Variants in DBNL observed in about 807,000 individuals in gnomAD.
DBNL encodes drebrin like.
DBNL carries 35 observed loss-of-function variants against 62.2 expected under a neutral mutation model. That is an observed-to-expected ratio of 0.56 (90% CI 0.43 to 0.75). DBNL has a LOEUF of 0.75. Ranked by LOEUF, DBNL falls within the 30% of genes least tolerant of loss-of-function variation. The probability of loss-of-function intolerance (pLI) is 0.00; values close to 1 mark genes in which losing one functional copy is unlikely to be tolerated. For missense variants in DBNL, 495 were observed against 578.4 expected (o/e 0.86, Z 1.48); for synonymous variants, 197 against 218.0 (o/e 0.90, Z 0.85).
chr7:44,054,261 C>T (rs1033074339), intron 4 of DBNL, among the ~76,000 whole-genome samples: 4 of 152,030 alleles, frequency 2.6e-5, no homozygotes, highest in Non-Finnish European at 5.9e-5. Flanking sequence ...GGCACGATCT[C>T]GGCTCACTGC....
Position 44,059,129 on chromosome 7 carries a change from C to A in DBNL, c.835+146C>A, listed in dbSNP as rs1464498918. ...AGAAGGGACACCTGGGGCCATTGAC[C>A]TCATCAGTGACCACACTGGTCACCA... On this transcript the variant is annotated intron_variant, in intron 9 of 12. Coordinates refer to ENST00000448521, the MANE Select transcript of DBNL (RefSeq NM_001014436.3). This position sits in a 1 kb window ranked among gnomAD's most constrained non-coding sequence, Gnocchi z 4.1. 49 of 979,568 alleles carry A rather than the reference C, an allele frequency of 5.0e-5. No homozygotes were observed. Among genetic ancestry groups the A allele is most frequent in the Non-Finnish European group, 7.0e-5 (46 of 660,790 alleles). 60.7% of individuals were successfully genotyped at this position (979,568 alleles called of 1,614,324 possible).
At chr7:44,053,870 G>T (rs2096131029) in intron 4 of DBNL, among the ~76,000 whole-genome samples, 1 of 151,918 alleles carries the variant, frequency 6.6e-6, no homozygotes, top group Admixed American at 6.6e-5. Flanking sequence ...TAGAGACGGG[G>T]TTTCACTGTG....
At position 44,062,581 on chromosome 7, in the gene DBNL, G is replaced by A; in HGVS notation, c.*1665G>A. 1 of 639,834 alleles carries A rather than the reference G, an allele frequency of 1.6e-6. No homozygotes were observed. The highest frequency in any genetic ancestry group is 2.8e-6 in the Non-Finnish European group (1 of 360,470). 39.6% of individuals were successfully genotyped at this position (639,834 alleles called of 1,614,324 possible). A position where few individuals can be genotyped will look rare whatever the true frequency, so the allele number is the denominator to read the frequency against. Reference sequence around the variant, plus strand: ...GGTTGCAGCCCTGGCTCAGTGTCCTGATGACTAGGTGTGGGTACTAGGCTC... The same window carrying A: ...GGTTGCAGCCCTGGCTCAGTGTCCTAATGACTAGGTGTGGGTACTAGGCTC... On this transcript the variant is annotated 3_prime_UTR_variant, in exon 13 of 13. Transcript: ENST00000448521.
In DBNL at chr7:44,060,276, C is replaced by T. The variant is rs556655051; in HGVS notation, c.1153+123C>T. Reference sequence around the variant, plus strand: ...CAGGAAGAGAAGACAGGAGGGTGGGCGGTGCGTTTAGGGGTAGAAGCACCT... The same window carrying T: ...CAGGAAGAGAAGACAGGAGGGTGGGTGGTGCGTTTAGGGGTAGAAGCACCT... On this transcript the variant is annotated intron_variant, in intron 12 of 12. Coordinates refer to ENST00000448521, the MANE Select transcript of DBNL (RefSeq NM_001014436.3). This position sits in a 1 kb window ranked among gnomAD's most constrained non-coding sequence, Gnocchi z 6.3. 15 of 907,644 alleles carry T rather than the reference C, an allele frequency of 1.7e-5. No homozygotes were observed. The East Asian group carries it at 3.5e-4, about 21-fold the overall frequency. The allele number at this position is 907,644 out of a possible 1,614,324, so 56.2% of individuals were successfully genotyped here.
rs374509693 is a variant in DBNL at position 44,062,729 on chromosome 7, T to C, written c.*1813T>C. 1.2e-5 allele frequency: 20 copies of C among 1,611,210 alleles called. No individual in the cohort carries two copies. The African/African-American group carries it at 2.0e-4, about 16-fold the overall frequency. On this transcript the variant is annotated 3_prime_UTR_variant, in exon 13 of 13. Coordinates refer to ENST00000448521, the MANE Select transcript of DBNL (RefSeq NM_001014436.3). The stretch of plus-strand genomic sequence containing the variant: ...CACGGCTGCGCTGGACTCCAGGCTG[T>C]TGGGGGAGGTGCCTTTATTGCCCAA...
rs138152563 is a variant in DBNL, at chr7:44,068,119, C to G, written c.*7203C>G. 6.6e-6 allele frequency: 1 copy of G among 152,274 alleles called. No individual in the cohort carries two copies. The highest frequency in any genetic ancestry group is 2.4e-5 in the African/African-American group (1 of 41,550). The allele number at this position is 152,274 out of a possible 1,614,324, so 9.4% of individuals were successfully genotyped here. A position where few individuals can be genotyped will look rare whatever the true frequency, so the allele number is the denominator to read the frequency against. On this transcript the variant is annotated 3_prime_UTR_variant, in exon 13 of 13. Transcript: ENST00000448521. ...GCACTTGAAACCTGAGAGGGTAACG[C>G]TACCCTCTGTCTAGAGGAGCCATGG... is the stretch of plus-strand genomic sequence containing the variant.
intron 5 of DBNL, among the ~76,000 whole-genome samples, chr7:44,057,331 C>G (rs1224095927): frequency 2.0e-5 from 3 of 152,234 alleles, no homozygotes; most frequent in Non-Finnish European, 4.4e-5. Context: ...GCCTGTGGCC[C>G]CAGTGCTGTG....
In DBNL at chr7:44,063,656, G is replaced by C. The variant is rs28664975; in HGVS notation, c.*2740G>C. Reference sequence around the variant, plus strand: ...AAGTGCGGAATGGAGCTGGAGGAGGGACAGGGAGGCCGAGCCTGGTCGAAA... The same window carrying C: ...AAGTGCGGAATGGAGCTGGAGGAGGCACAGGGAGGCCGAGCCTGGTCGAAA... On this transcript the variant is annotated 3_prime_UTR_variant, in exon 13 of 13. Transcript: ENST00000448521. The C allele has an allele frequency of 0.27, 42,303 of 154,220 alleles. 6,166 individuals are homozygous for C. The highest frequency in any genetic ancestry group is 0.36 in the African/African-American group (14,989 of 41,488). 9.6% of individuals were successfully genotyped at this position (154,220 alleles called of 1,614,324 possible).
intron 2 of DBNL, 182 bp downstream of exon 2, chr7:44,050,462 T>G: frequency 4.7e-5 from 26 of 553,294 alleles, no homozygotes; most frequent in Admixed American, 8.8e-5. Context: ...TTGGTTCTCC[T>G]TCCCTCTGGG....
At chr7:44,049,012 G>A (rs1045598796) in intron 1 of DBNL, among the ~76,000 whole-genome samples, 3 of 151,910 alleles carry the variant, frequency 2.0e-5, no homozygotes, top group East Asian at 1.9e-4. Context: ...ATGCCACCAC[G>A]CCTGGCTGAT....
chr7:44,064,797 A>AGCCCCCGGGCCAGGAGGTGGG lies in DBNL; in HGVS notation c.*3881_*3882insGCCCCCGGGCCAGGAGGTGGG. On this transcript the variant is annotated 3_prime_UTR_variant, in exon 13 of 13. Coordinates refer to ENST00000448521, the MANE Select transcript of DBNL (RefSeq NM_001014436.3). Reference sequence around the variant, plus strand: ...GAGAAGCCAGCTGGGGCTGCTGCCCACCCACCCTGCCCAGGCTCCTGAAGG... The same window carrying AGCCCCCGGGCCAGGAGGTGGG: ...GAGAAGCCAGCTGGGGCTGCTGCCCAGCCCCCGGGCCAGGAGGTGGGCCCACCCTGCCCAGGCTCCTGAAGG... 1.6e-6 allele frequency: 1 copy of AGCCCCCGGGCCAGGAGGTGGG among 633,308 alleles called. No homozygotes were observed. Among genetic ancestry groups the AGCCCCCGGGCCAGGAGGTGGG allele is most frequent in the Non-Finnish European group, 2.8e-6 (1 of 361,386 alleles). The allele number at this position is 633,308 out of a possible 1,614,324, so 39.2% of individuals were successfully genotyped here.
intron 1 of DBNL, among the ~76,000 whole-genome samples, chr7:44,046,803 C>T (rs548159677): frequency 7.2e-5 from 11 of 152,332 alleles, no homozygotes; most frequent in African/African-American, 2.2e-4. Flanking sequence ...TCTACAGTGG[C>T]TTCCTGTTGC....
chr7:44,065,397 TG>T lies in DBNL; in HGVS notation c.*4483del. On this transcript the variant is annotated 3_prime_UTR_variant, in exon 13 of 13. Transcript: ENST00000448521. ...TCAAACTCCATCTTGGCATCCTTGATGGCCTTGGCTCCCCGCTTGGCCTCCT... is the reference window on the plus strand; with the variant it reads ...TCAAACTCCATCTTGGCATCCTTGATGCCTTGGCTCCCCGCTTGGCCTCCT... 6.2e-7 allele frequency: 1 copy of T among 1,614,126 alleles called. No homozygotes were observed. Among genetic ancestry groups the T allele is most frequent in the Non-Finnish European group, 8.5e-7 (1 of 1,180,040 alleles).
At chr7:44,050,027 A>C in intron 1 of DBNL, 198 bp from the exon 2 acceptor site, 1 of 534,386 alleles carries the variant, frequency 1.9e-6, no homozygotes, top group Non-Finnish European at 3.5e-6. Context: ...TCCCAGCTGC[A>C]GAGCTGAGAA....
At position 44,065,888 on chromosome 7, in the gene DBNL, G is replaced by T; in HGVS notation, c.*4972G>T. On this transcript the variant is annotated 3_prime_UTR_variant, in exon 13 of 13. Coordinates refer to ENST00000448521, the MANE Select transcript of DBNL (RefSeq NM_001014436.3). Reference sequence around the variant, plus strand: ...AGATGGGGATAGCAGGGACAGAGGGGCTCTCCAGGGCAACGCTCAGTGGCC... The same window carrying T: ...AGATGGGGATAGCAGGGACAGAGGGTCTCTCCAGGGCAACGCTCAGTGGCC... The T allele has an allele frequency of 2.5e-6, 1 of 407,854 alleles. No homozygotes were observed. The highest frequency in any genetic ancestry group is 4.6e-6 in the Non-Finnish European group (1 of 215,978). The allele number at this position is 407,854 out of a possible 1,614,324, so 25.3% of individuals were successfully genotyped here. A position where few individuals can be genotyped will look rare whatever the true frequency, so the allele number is the denominator to read the frequency against.
chr7:44,067,861 A>G lies in DBNL; in HGVS notation c.*6945A>G, dbSNP rs557696085. On this transcript the variant is annotated 3_prime_UTR_variant, in exon 13 of 13. Transcript: ENST00000448521. ...GGAGATCAGATTCAAAGTTCCGCAGAGAAGTGGTGAGGTAACAAGTATTGC... is the reference window on the plus strand; with the variant it reads ...GGAGATCAGATTCAAAGTTCCGCAGGGAAGTGGTGAGGTAACAAGTATTGC... 6.6e-6 allele frequency: 1 copy of G among 152,382 alleles called. No homozygotes were observed. Among genetic ancestry groups the G allele is most frequent in the East Asian group, 1.9e-4 (1 of 5,188 alleles). 9.4% of individuals were successfully genotyped at this position (152,382 alleles called of 1,614,324 possible).
intron 4 of DBNL, among the ~76,000 whole-genome samples, chr7:44,056,440 T>A (rs2096136543): frequency 6.6e-6 from 1 of 152,208 alleles, no homozygotes; most frequent in Non-Finnish European, 1.5e-5. Context: ...AAGGAAGGCC[T>A]TTGATGCAAA....
In DBNL at chr7:44,064,758, G is replaced by A. The variant is rs1258194481; in HGVS notation, c.*3842G>A. 7.5e-6 allele frequency: 10 copies of A among 1,328,808 alleles called. No homozygotes were observed. The highest frequency in any genetic ancestry group is 9.4e-6 in the Non-Finnish European group (9 of 956,260). 82.3% of individuals were successfully genotyped at this position (1,328,808 alleles called of 1,614,324 possible). ...TAGAAAGCCTGGTCCATGGGCGAGA[G>A]ACTTTGCTGAGATGAGAAGCCAGCT... On this transcript the variant is annotated 3_prime_UTR_variant, in exon 13 of 13. Coordinates refer to ENST00000448521, the MANE Select transcript of DBNL (RefSeq NM_001014436.3).
Position 44,062,690 on chromosome 7 carries a change from G to A in DBNL, c.*1774G>A. 2 of 1,513,550 alleles carry A rather than the reference G, an allele frequency of 1.3e-6. No homozygotes were observed. Among genetic ancestry groups the A allele is most frequent in the Non-Finnish European group, 1.8e-6 (2 of 1,097,736 alleles). The allele number at this position is 1,513,550 out of a possible 1,614,324, so 93.8% of individuals were successfully genotyped here. On this transcript the variant is annotated 3_prime_UTR_variant, in exon 13 of 13. Transcript: ENST00000448521. ...TGGAGTCCCCACAGCTGATGGCGGT[G>A]TGAGCCTGGCATGCACGGCTGCGCT...
Sources: allele counts gnomAD v4.1 joint callset (sites outside exome capture counted in the v4.1 genomes callset), GRCh38; gene constraint gnomAD v4.1.1; non-coding constraint Gnocchi (gnomAD v3.1); transcripts MANE v1.5; gene names NCBI Gene and HGNC (gene_info 2026-07-23, HGNC 2026-07-21).